The following NOX3 variants were observed in gnomAD, a reference collection of about 807,000 sequenced individuals.
NOX3 encodes the protein NADPH oxidase 3, also known as NADPH oxidase catalytic subunit-like 3.
In NOX3, 74 loss-of-function variants were observed where a neutral mutation model predicts 76.7. That is an observed-to-expected ratio of 0.96 (90% CI 0.80 to 1.17). The LOEUF (loss-of-function observed/expected upper bound fraction) is 1.17. Among genes scored for constraint, NOX3 ranks in the 50% most tolerant of loss-of-function variants. The probability of loss-of-function intolerance (pLI) is 0.00; values close to 1 mark genes in which losing one functional copy is unlikely to be tolerated. For synonymous variants in NOX3, 263 were observed against 261.1 expected (o/e 1.01, Z -0.07); for missense variants, 695 against 703.3 (o/e 0.99, Z 0.13).
chr6:155,420,712 G>A (rs1261112082), intron 10 of NOX3, among the ~76,000 whole-genome samples: 1 of 152,094 alleles, frequency 6.6e-6, no homozygotes, highest in South Asian at 2.1e-4. Context: ...TGTAAAATGG[G>A]AATAAAAATG....
At chr6:155,402,010 T>C (rs1016844038) in intron 12 of NOX3, among the ~76,000 whole-genome samples, 2 of 152,164 alleles carry the variant, frequency 1.3e-5, no homozygotes, top group Admixed American at 1.3e-4. Context: ...AAGCTGAGTA[T>C]CCGTACAATG....
chr6:155,413,774 G>C (rs12527339), intron 10 of NOX3, among the ~76,000 whole-genome samples: 30,456 of 151,880 alleles, frequency 0.2, 3,270 homozygotes, highest in African/African-American at 0.27. Flanking sequence ...GTTGGCATTG[G>C]GCATAGAGCA....
chr6:155,440,172 A>C, intron 5 of NOX3, 35 bp from the exon 6 acceptor site: 10 of 1,466,136 alleles, frequency 6.8e-6, no homozygotes, highest in Non-Finnish European at 7.3e-6. Flanking sequence ...AAAGAAACAA[A>C]CAAAAAAAAA....
intron 4 of NOX3, among the ~76,000 whole-genome samples, chr6:155,448,721 CATTTT>C (rs1246735964): frequency 1.3e-5 from 2 of 150,532 alleles, no homozygotes; most frequent in African/African-American, 4.9e-5. Context: ...TTCCTTCTTT[CATTTT>C]ATTTTTCAGG....
intron 5 of NOX3, among the ~76,000 whole-genome samples, chr6:155,440,705 G>T (rs1582944743): frequency 6.6e-6 from 1 of 151,232 alleles, no homozygotes; most frequent in African/African-American, 2.4e-5. Flanking sequence ...AAACCAAAGT[G>T]ATTATGTTGA....
At chr6:155,402,213 G>C (rs966195178) in intron 12 of NOX3, among the ~76,000 whole-genome samples, 2 of 152,160 alleles carry the variant, frequency 1.3e-5, no homozygotes, top group African/African-American at 4.8e-5. Context: ...GTAAGACATA[G>C]ATGGCAATGA....
At chr6:155,442,221 A>G (rs1310659080) in intron 5 of NOX3, among the ~76,000 whole-genome samples, 9 of 152,126 alleles carry the variant, frequency 5.9e-5, no homozygotes, top group East Asian at 1.9e-4. Context: ...CCGTGATCGC[A>G]CCACTGCACT....
chr6:155,453,231 T>G (rs967938570), intron 4 of NOX3, among the ~76,000 whole-genome samples, 173 bp downstream of exon 4: 9 of 152,158 alleles, frequency 5.9e-5, no homozygotes, highest in African/African-American at 2.2e-4. Context: ...AACGTATAGG[T>G]AAGTATAAAT....
At chr6:155,410,443 C>A (rs895432251) in intron 11 of NOX3, among the ~76,000 whole-genome samples, 4 of 152,130 alleles carry the variant, frequency 2.6e-5, no homozygotes, top group Non-Finnish European at 5.9e-5. Context: ...ATAATAGCTG[C>A]TGATTAGAAT....
chr6:155,423,326 A>G (rs1776715245), intron 9 of NOX3, among the ~76,000 whole-genome samples: 1 of 152,122 alleles, frequency 6.6e-6, no homozygotes, highest in African/African-American at 2.4e-5. Flanking sequence ...CACACATCTT[A>G]GTAGGTTTAT....
At chr6:155,442,074 C>T (rs758027594) in intron 5 of NOX3, among the ~76,000 whole-genome samples, 61 of 152,256 alleles carry the variant, frequency 4.0e-4, no homozygotes, top group Admixed American at 7.8e-4. Flanking sequence ...ACCATCCTGG[C>T]TAACACAGTG....
intron 2 of NOX3, 39 bp downstream of exon 2, chr6:155,454,995 T>A (rs1354838113): frequency 1.3e-6 from 2 of 1,580,638 alleles, no homozygotes; most frequent in African/African-American, 2.7e-5. Flanking sequence ...TGCATTTTGT[T>A]TTCTGAAAAA....
intron 6 of NOX3, among the ~76,000 whole-genome samples, chr6:155,437,769 C>G (rs1776930880): frequency 6.6e-6 from 1 of 152,182 alleles, no homozygotes; most frequent in Non-Finnish European, 1.5e-5. Context: ...ATCTTTTAAA[C>G]ATTTTAAACG....
At chr6:155,451,264 C>T (rs976340125) in intron 4 of NOX3, among the ~76,000 whole-genome samples, 8 of 152,154 alleles carry the variant, frequency 5.3e-5, no homozygotes, top group Non-Finnish European at 1.0e-4. Context: ...CAGGCGTGAG[C>T]CACCACGCCC....
At chr6:155,433,317 G>A (rs1192813449) in intron 7 of NOX3, among the ~76,000 whole-genome samples, 4 of 152,148 alleles carry the variant, frequency 2.6e-5, no homozygotes, top group Non-Finnish European at 4.4e-5. Flanking sequence ...AGATGGCCAG[G>A]GATGAATATT....
chr6:155,453,741 A>G (rs552348259), intron 3 of NOX3, among the ~76,000 whole-genome samples: 5 of 152,350 alleles, frequency 3.3e-5, no homozygotes, highest in African/African-American at 9.6e-5. Flanking sequence ...TAAGCCTGCC[A>G]AAATACATGC....
chr6:155,430,552 C>T (rs1311838564), intron 8 of NOX3, among the ~76,000 whole-genome samples: 3 of 152,044 alleles, frequency 2.0e-5, no homozygotes, highest in Non-Finnish European at 2.9e-5. Context: ...CACTCACTCC[C>T]CTTGCATTTC....
At chr6:155,403,520 G>A (rs1355967637) in intron 12 of NOX3, among the ~76,000 whole-genome samples, 3 of 152,178 alleles carry the variant, frequency 2.0e-5, no homozygotes, top group Admixed American at 6.5e-5. Flanking sequence ...CCAAACCTTG[G>A]GGGCCTCGTC....
intron 5 of NOX3, among the ~76,000 whole-genome samples, chr6:155,440,871 G>A (rs1303263707): frequency 6.6e-6 from 1 of 151,992 alleles, no homozygotes; most frequent in African/African-American, 2.4e-5. Flanking sequence ...AGGTCCCTTG[G>A]GGCGTTCCTA....
Sources: gnomAD v4.1 joint callset for allele counts (sites outside exome capture counted in the v4.1 genomes callset) on GRCh38, gnomAD v4.1.1 for gene constraint, MANE v1.5 for transcripts, NCBI Gene and HGNC (gene_info 2026-07-23, HGNC 2026-07-21) for gene names.